DPP6: variants seen among roughly 807,000 people sequenced by gnomAD.
DPP6 encodes the protein A-type potassium channel modulatory protein DPP6.
In DPP6, 69 loss-of-function variants were observed where a neutral mutation model predicts 122.6. The observed-to-expected ratio is 0.56, with a 90% CI of 0.46 to 0.69. The LOEUF is 0.69. Ranked by LOEUF, DPP6 falls within the 30% of genes least tolerant of loss-of-function variation. The pLI, the probability that DPP6 is intolerant of heterozygous loss-of-function variation, is 0.00. For synonymous variants in DPP6, 418 were observed against 433.1 expected (o/e 0.97, Z 0.43); for missense variants, 928 against 1,116.9 (o/e 0.83, Z 2.41).
intron 16 of DPP6, among the ~76,000 whole-genome samples, chr7:154,849,507 G>A (rs1270733477): frequency 6.6e-6 from 1 of 152,172 alleles, no homozygotes; most frequent in South Asian, 2.1e-4. Flanking sequence ...GCTGATTTTT[G>A]TGTTGCATTG....
chr7:154,180,371 C>T (rs537107038), intron 1 of DPP6, among the ~76,000 whole-genome samples: 1 of 144,284 alleles, frequency 6.9e-6, no homozygotes, highest in South Asian at 2.2e-4. Context: ...TTCTCTCTCT[C>T]AAAATATATA....
intron 8 of DPP6, among the ~76,000 whole-genome samples, chr7:154,738,409 T>C (rs982045003): frequency 6.6e-6 from 1 of 152,214 alleles, no homozygotes; most frequent in Non-Finnish European, 1.5e-5. Flanking sequence ...CCAGTCGGTT[T>C]GCTATTTAAT....
chr7:154,677,541 G>C (rs574360662), intron 7 of DPP6, among the ~76,000 whole-genome samples: 1 of 152,352 alleles, frequency 6.6e-6, no homozygotes, highest in Admixed American at 6.5e-5. Flanking sequence ...AAGAGCTTGC[G>C]CTTGAAACTC....
chr7:154,666,886 G>A (rs1838201041), intron 6 of DPP6, among the ~76,000 whole-genome samples: 1 of 152,170 alleles, frequency 6.6e-6, no homozygotes, highest in African/African-American at 2.4e-5. Flanking sequence ...AGTTAAGTGT[G>A]TACTTTATTA....
intron 1 of DPP6, among the ~76,000 whole-genome samples, chr7:153,888,363 C>T (rs1799034790): frequency 6.6e-6 from 1 of 152,238 alleles, no homozygotes; most frequent in East Asian, 1.9e-4. Context: ...TGCCTGGAAA[C>T]GCGGCTGGTC....
chr7:154,486,788 C>T lies in DPP6; in HGVS notation c.457+11751C>T, dbSNP rs1350323986. Among the ~76,000 whole-genome samples the T allele has an allele frequency of 6.6e-6, 1 of 152,184 alleles. No homozygotes were observed. Among genetic ancestry groups the T allele is most frequent in the East Asian group, 1.9e-4 (1 of 5,180 alleles). The stretch of plus-strand genomic sequence containing the variant: ...TGTCTTGGGGCAGGGCAGCCGATTT[C>T]TTCCACACCACGCTGGTCCCTTCCA... On this transcript the variant is annotated intron_variant, in intron 3 of 25. Coordinates refer to ENST00000377770, the MANE Select transcript of DPP6 (RefSeq NM_130797.4). This position sits in a 1 kb window ranked among gnomAD's most constrained non-coding sequence, Gnocchi z 4.5.
At chr7:154,767,882 C>T (rs1044382773) in intron 8 of DPP6, among the ~76,000 whole-genome samples, 7 of 152,284 alleles carry the variant, frequency 4.6e-5, no homozygotes, top group African/African-American at 1.2e-4. Context: ...GCATTGCCTT[C>T]GGTGGGGGGC....
At chr7:153,853,095 G>A in the DPP6 span, among the ~76,000 whole-genome samples, 1 of 152,134 alleles carries the variant, frequency 6.6e-6, no homozygotes, top group Non-Finnish European at 1.5e-5. Flanking sequence ...TTCAGCCTAG[G>A]CACAAAAGGA....
intron 1 of DPP6, among the ~76,000 whole-genome samples, chr7:154,277,780 A>G (rs1480144215): frequency 2.0e-5 from 3 of 152,224 alleles, no homozygotes; most frequent in Non-Finnish European, 4.4e-5. Flanking sequence ...ATAAAAAACT[A>G]AAAGAAGGAG....
intron 1 of DPP6, among the ~76,000 whole-genome samples, chr7:154,120,533 C>T (rs916641463): frequency 6.6e-6 from 1 of 152,132 alleles, no homozygotes; most frequent in East Asian, 1.9e-4. Context: ...CTTGAGCCAC[C>T]GCGCCCAGCC....
At position 154,063,513 on chromosome 7, in the gene DPP6, A is replaced by C. The variant is rs1214608695; in HGVS notation, c.243+10450A>C. On this transcript the variant is annotated intron_variant, in intron 1 of 25. Transcript: ENST00000377770. ...TCCCCCCCTGGCTCTTAAGACCCCC[A>C]TCGCAGGAGGGGGAGGCACCCCCCG... 2.0e-4 allele frequency among the ~76,000 whole-genome samples: 24 copies of C among 117,830 alleles called. 3 individuals carry two copies. The highest frequency in any genetic ancestry group is 3.5e-4 in the Non-Finnish European group (19 of 54,854). 77.3% of individuals were successfully genotyped at this position (117,830 alleles called of 152,430 possible).
intron 8 of DPP6, among the ~76,000 whole-genome samples, chr7:154,740,217 C>T (rs1842753057): frequency 6.6e-6 from 1 of 151,782 alleles, no homozygotes; most frequent in Admixed American, 6.6e-5. Context: ...GACAAACACA[C>T]TTTTACCTTT....
chr7:154,445,537 G>T (rs916315183), intron 1 of DPP6, among the ~76,000 whole-genome samples: 1 of 152,086 alleles, frequency 6.6e-6, no homozygotes, highest in Non-Finnish European at 1.5e-5. Flanking sequence ...TCTCTCACCT[G>T]CCACTCTTGC....
chr7:153,932,123 C>CCTT lies in DPP6; in HGVS notation c.51+44389_51+44390insCTT, dbSNP rs34106039. Among the ~76,000 whole-genome samples, 3 of 135,712 alleles carry CCTT rather than the reference C, an allele frequency of 2.2e-5. No individual in the cohort carries two copies. In the East Asian group the frequency reaches 6.6e-4, roughly 30 times the overall value. 89.0% of individuals were successfully genotyped at this position (135,712 alleles called of 152,430 possible). On this transcript the variant is annotated intron_variant, in intron 1 of 25. Transcript: ENST00000404039. ...TTGGCTTTGATTTATCATTTTGTGC[C>CCTT]TTTTTTTTTTTTTTTTTAACAGAAT...
At chr7:154,796,044 C>T (rs1798034624) in intron 12 of DPP6, 161 bp downstream of exon 12, 7 of 1,184,800 alleles carry the variant, frequency 5.9e-6, no homozygotes, top group African/African-American at 1.6e-5. Context: ...ACGGTGCCTC[C>T]CGTTCTCCAG....
At position 154,068,364 on chromosome 7, in the gene DPP6, AT is replaced by A. The variant is rs574295233; in HGVS notation, c.243+15302del. Among the ~76,000 whole-genome samples, 322 of 148,068 alleles carry A rather than the reference AT, an allele frequency of 2.2e-3. 1 individual carries two copies. The highest frequency in any genetic ancestry group is 8.0e-3 in the African/African-American group (316 of 39,332). ...CTGGAGAACAAGCTGGGTGACTCCC[AT>A]GTTTACAGGCTTCTGGCCTCAGGGA... is the stretch of plus-strand genomic sequence containing the variant. On this transcript the variant is annotated intron_variant, in intron 1 of 25. Transcript: ENST00000377770.
chr7:153,775,838 A>G, the DPP6 span, among the ~76,000 whole-genome samples: 1 of 152,224 alleles, frequency 6.6e-6, no homozygotes, highest in African/African-American at 2.4e-5. Context: ...TAGCATAAAA[A>G]TGAAACACTT....
At chr7:154,202,979 T>G (rs576275446) in intron 1 of DPP6, among the ~76,000 whole-genome samples, 193 of 152,152 alleles carry the variant, frequency 1.3e-3, no homozygotes, top group Middle Eastern at 3.4e-3. Context: ...GACTTAGGAG[T>G]ACATAATAAG....
In DPP6 at chr7:154,618,480, G is replaced by A. The variant is rs1018479960; in HGVS notation, c.628-19341G>A. The stretch of plus-strand genomic sequence containing the variant: ...GTTAGACCATTGATTTCCTTTAGAA[G>A]ATCAAAATCAGGGTGCAGGTAGGAG... On this transcript the variant is annotated intron_variant, in intron 5 of 25. Coordinates refer to ENST00000377770, the MANE Select transcript of DPP6 (RefSeq NM_130797.4). The surrounding 1 kb of genome is among the most constrained non-coding windows in gnomAD (Gnocchi z 4.1). Among the ~76,000 whole-genome samples the A allele has an allele frequency of 1.3e-5, 2 of 152,180 alleles. No individual in the cohort carries two copies. The highest frequency in any genetic ancestry group is 4.8e-5 in the African/African-American group (2 of 41,440).
Sources: allele counts gnomAD v4.1 joint callset (sites outside exome capture counted in the v4.1 genomes callset), GRCh38; gene constraint gnomAD v4.1.1; non-coding constraint Gnocchi (gnomAD v3.1); transcripts MANE v1.5; gene names NCBI Gene and HGNC (gene_info 2026-07-23, HGNC 2026-07-21).